Variants in PTPRK observed in about 807,000 individuals in gnomAD.
PTPRK encodes receptor-type tyrosine-protein phosphatase kappa.
Under a neutral mutation model 178.0 loss-of-function variants are expected in PTPRK, and 75 were observed. The observed-to-expected ratio is 0.42, with a 90% CI of 0.35 to 0.51. The LOEUF (loss-of-function observed/expected upper bound fraction) is 0.51, where lower values mean the gene tolerates loss of function less well. Ranked by LOEUF, PTPRK falls within the 20% of genes least tolerant of loss-of-function variation. PTPRK has a pLI of 0.02. For missense variants in PTPRK, 1,441 were observed against 1,797.8 expected, an observed-to-expected ratio of 0.80 and a Z score of 3.59; for synonymous variants, 637 against 620.6, an observed-to-expected ratio of 1.03 and a Z score of -0.39.
intron 5 of PTPRK, among the ~76,000 whole-genome samples, chr6:128,219,588 T>C (rs555616802): frequency 1.1e-4 from 17 of 152,280 alleles, no homozygotes; most frequent in Admixed American, 3.3e-4. Context: ...AGCCTGGGGG[T>C]TGGGGACCCC....
chr6:128,103,998 T>TA, intron 7 of PTPRK, among the ~76,000 whole-genome samples: 1 of 152,172 alleles, frequency 6.6e-6, no homozygotes, highest in Non-Finnish European at 1.5e-5. Flanking sequence ...ACATGCCAGC[T>TA]ACGCTTCTTG....
intron 2 of PTPRK, among the ~76,000 whole-genome samples, chr6:128,386,461 T>C (rs1838748580): frequency 6.6e-6 from 1 of 152,110 alleles, no homozygotes; most frequent in Non-Finnish European, 1.5e-5. Flanking sequence ...GCAAGGAAGC[T>C]CAGCTCATTT....
intron 1 of PTPRK, among the ~76,000 whole-genome samples, chr6:128,401,222 C>T (rs1374234267): frequency 2.0e-5 from 3 of 152,138 alleles, no homozygotes; most frequent in Non-Finnish European, 4.4e-5. Context: ...AAAAATCAAG[C>T]TGATATGAAC....
chr6:128,045,559 T>C (rs1270897372), intron 13 of PTPRK, among the ~76,000 whole-genome samples: 2 of 151,996 alleles, frequency 1.3e-5, no homozygotes, highest in Non-Finnish European at 2.9e-5. Flanking sequence ...TTTTCTGTAT[T>C]AGATTAAAAG....
At chr6:128,496,303 G>C (rs530695006) in intron 1 of PTPRK, among the ~76,000 whole-genome samples, 2 of 152,316 alleles carry the variant, frequency 1.3e-5, no homozygotes, top group Admixed American at 6.5e-5. Context: ...AGGCAGAAAA[G>C]TAGAGCAGGG....
At chr6:128,264,846 G>T (rs950120447) in intron 3 of PTPRK, among the ~76,000 whole-genome samples, 26 of 152,088 alleles carry the variant, frequency 1.7e-4, no homozygotes, top group African/African-American at 6.3e-4. Context: ...CTGTTCTTGT[G>T]ATAGTGAATA....
At chr6:128,376,236 C>G (rs1195829311) in intron 2 of PTPRK, among the ~76,000 whole-genome samples, 1 of 152,232 alleles carries the variant, frequency 6.6e-6, no homozygotes, top group Non-Finnish European at 1.5e-5. Flanking sequence ...CTTCAGCAAA[C>G]TTCTTCCTGG....
chr6:128,481,213 T>C (rs1026037941), intron 1 of PTPRK, among the ~76,000 whole-genome samples: 4 of 152,152 alleles, frequency 2.6e-5, no homozygotes, highest in Non-Finnish European at 4.4e-5. Flanking sequence ...CATTCATACA[T>C]AGTCTTTAAT....
At chr6:127,982,681 T>C (rs1260980550) in intron 24 of PTPRK, 150 bp downstream of exon 24, 2 of 583,892 alleles carry the variant, frequency 3.4e-6, no homozygotes, top group Non-Finnish European at 5.7e-6. Context: ...AAAGTGACTA[T>C]ATAATATGTA....
intron 1 of PTPRK, among the ~76,000 whole-genome samples, chr6:128,443,657 G>A (rs781380551): frequency 1.8e-4 from 27 of 152,122 alleles, no homozygotes; most frequent in Non-Finnish European, 3.2e-4. Context: ...AGACAGAGAA[G>A]GAATTATGAC....
chr6:128,053,231 C>A (rs1315935118), intron 13 of PTPRK, among the ~76,000 whole-genome samples: 1 of 151,800 alleles, frequency 6.6e-6, no homozygotes, highest in Non-Finnish European at 1.5e-5. Flanking sequence ...CTCCCTGCAC[C>A]CCCACACCCT....
intron 13 of PTPRK, among the ~76,000 whole-genome samples, chr6:128,035,931 T>C (rs1776134291): frequency 6.6e-6 from 1 of 152,234 alleles, no homozygotes; most frequent in South Asian, 2.1e-4. Context: ...TTCTGTCTTC[T>C]AATGTGGTTG....
At chr6:128,021,244 A>C (rs1267764181) in intron 13 of PTPRK, among the ~76,000 whole-genome samples, 4 of 152,184 alleles carry the variant, frequency 2.6e-5, no homozygotes, top group Non-Finnish European at 5.9e-5. Flanking sequence ...AACACACCCA[A>C]AATACTTCAG....
chr6:128,346,169 C>A (rs555181873), intron 2 of PTPRK, among the ~76,000 whole-genome samples: 4 of 151,964 alleles, frequency 2.6e-5, no homozygotes, highest in Admixed American at 6.6e-5. Context: ...CTCTGAGTGG[C>A]CACAATCTCA....
chr6:128,187,340 G>A (rs1043137962), intron 6 of PTPRK, among the ~76,000 whole-genome samples: 1 of 152,028 alleles, frequency 6.6e-6, no homozygotes, highest in Non-Finnish European at 1.5e-5. Context: ...TTAAGGAAGT[G>A]ATATATAAAA....
At chr6:127,971,712 A>G (rs555188505) in intron 29 of PTPRK, among the ~76,000 whole-genome samples, 2 of 152,116 alleles carry the variant, frequency 1.3e-5, no homozygotes, top group African/African-American at 4.8e-5. Flanking sequence ...GCACAGTTTA[A>G]CCATAGATTT....
chr6:128,315,267 T>C (rs563441371), intron 3 of PTPRK, among the ~76,000 whole-genome samples: 13 of 152,306 alleles, frequency 8.5e-5, no homozygotes, highest in Admixed American at 8.5e-4. Context: ...CTCTAGGTAC[T>C]AGACATTTTT....
At chr6:128,177,913 GATGAT>G in intron 7 of PTPRK, among the ~76,000 whole-genome samples, 1 of 151,740 alleles carries the variant, frequency 6.6e-6, no homozygotes, top group South Asian at 2.1e-4. Context: ...AAACAACTTT[GATGAT>G]ATATATTAGA....
intron 2 of PTPRK, among the ~76,000 whole-genome samples, chr6:128,351,002 G>A (rs1321813792): frequency 1.3e-5 from 2 of 152,180 alleles, no homozygotes; most frequent in Non-Finnish European, 2.9e-5. Flanking sequence ...TACTTCGCTA[G>A]GTGCTGATGA....
Sources: allele counts gnomAD v4.1 joint callset (sites outside exome capture counted in the v4.1 genomes callset), GRCh38; gene constraint gnomAD v4.1.1; transcripts MANE v1.5; gene names NCBI Gene and HGNC (gene_info 2026-07-23, HGNC 2026-07-21).